The following ALOXE3 variants were observed in gnomAD, a reference collection of about 807,000 sequenced individuals.
The protein encoded by ALOXE3 is hydroperoxide isomerase ALOXE3.
ALOXE3 carries 78 observed loss-of-function variants against 87.5 expected under a neutral mutation model. The ratio of observed to expected loss-of-function variants is 0.89; its 90% CI spans 0.74 to 1.08. ALOXE3 has a LOEUF of 1.08. Ranked by LOEUF, ALOXE3 falls within the 50% of genes least tolerant of loss-of-function variation. ALOXE3 has a pLI of 0.00. For synonymous variants in ALOXE3, 363 were observed against 370.8 expected (o/e 0.98, Z 0.24); for missense variants, 946 against 912.4 (o/e 1.04, Z -0.47).
chr17:8,102,351 G>A (rs565955247), intron 15 of ALOXE3, among the ~76,000 whole-genome samples: 1 of 152,234 alleles, frequency 6.6e-6, no homozygotes, highest in East Asian at 1.9e-4. Context: ...AAATTAGCTG[G>A]GCACAGTGGT....
rs372707054 is a variant in ALOXE3 at position 8,117,853 on chromosome 17, G to A, written c.138C>T (p.Ala46=). 4 of 1,610,860 alleles carry A rather than the reference G, an allele frequency of 2.5e-6. No homozygotes were observed. The African/African-American group carries it at 4.0e-5, about 16-fold the overall frequency. The change falls in exon 2 of 16, where the codon GCC becomes GCT. Residue 46 remains alanine (A), a synonymous_variant. Transcript: ENST00000448843. ...QRLDRMGRDF[A]PGSVQKYKVR... ...TCTCCTTTGTACTCACCGATCCAGG[G>A]GCGAAGTCCCTGCCCATTCGATCTA... is the stretch of plus-strand genomic sequence containing the variant.
At chr17:8,110,662 T>C (rs555814074) in intron 8 of ALOXE3, 134 bp from the exon 9 acceptor site, 1 of 1,298,264 alleles carries the variant, frequency 7.7e-7, no homozygotes, top group East Asian at 2.4e-5. Flanking sequence ...GGTGCCTGAA[T>C]TAATGGCCAA....
At chr17:8,110,346 A>T in intron 9 of ALOXE3, 39 bp downstream of exon 9, 1 of 1,607,198 alleles carries the variant, frequency 6.2e-7, no homozygotes, top group Non-Finnish European at 8.5e-7. Flanking sequence ...GGCGGTTAGC[A>T]CCTGAGCCCC....
Position 8,115,661 on chromosome 17 carries a change from G to A in ALOXE3, c.380C>T (p.Pro127Leu). The change falls in exon 4 of 16, where the codon CCC (proline) becomes CTC (leucine). Residue 127 changes from proline to leucine, a missense_variant. Physicochemically the swap from Pro to Leu is moderately conservative, Grantham distance 98. Transcript: ENST00000448843. ...CCGTGTCCTGTGATCCAGGAGGAGG[G>A]GAAGAGAGTCCTGACAAATAGTTCT... is the stretch of plus-strand genomic sequence containing the variant. ...TARTICQDSL[P>L]LLLDHRTREL... 6.2e-7 allele frequency: 1 copy of A among 1,613,886 alleles called. No individual in the cohort carries two copies. The highest frequency in any genetic ancestry group is 8.5e-7 in the Non-Finnish European group (1 of 1,179,780).
intron 1 of ALOXE3, 68 bp downstream of exon 1, chr17:8,118,418 C>T: frequency 6.4e-7 from 1 of 1,550,956 alleles, no homozygotes. Flanking sequence ...AGTGCTTGTC[C>T]GCCCACTCCC....
In ALOXE3 at chr17:8,117,847, T is replaced by A; in HGVS notation, c.144A>T (p.Gly48=). 1 of 1,610,702 alleles carries A rather than the reference T, an allele frequency of 6.2e-7. No individual in the cohort carries two copies. Among genetic ancestry groups the A allele is most frequent in the African/African-American group, 1.3e-5 (1 of 74,942 alleles). The change falls in exon 2 of 16, where the codon GGA becomes GGT. Residue 48 remains glycine, a synonymous_variant. Transcript: ENST00000448843. ...LDRMGRDFAP[G]SVQKYKVRCT... ...TCCCTGTCTCCTTTGTACTCACCGA[T>A]CCAGGGGCGAAGTCCCTGCCCATTC...
intron 15 of ALOXE3, among the ~76,000 whole-genome samples, chr17:8,099,297 C>T (rs1598193740): frequency 4.6e-5 from 7 of 152,280 alleles, no homozygotes; most frequent in Middle Eastern, 6.8e-3. Flanking sequence ...GAGGCCATTA[C>T]ATAACTAAAG....
chr17:8,101,922 G>A (rs145651524), intron 15 of ALOXE3, among the ~76,000 whole-genome samples: 3 of 152,178 alleles, frequency 2.0e-5, no homozygotes, highest in Admixed American at 6.5e-5. Flanking sequence ...TTGCAGGCAC[G>A]AGCCACTGTG....
chr17:8,118,098 G>T lies in ALOXE3; in HGVS notation c.-108C>A. 1.3e-6 allele frequency: 2 copies of T among 1,554,680 alleles called. No homozygotes were observed. The highest frequency in any genetic ancestry group is 8.7e-7 in the Non-Finnish European group (1 of 1,149,636). On this transcript the variant is annotated 5_prime_UTR_variant, in exon 2 of 16. Transcript: ENST00000448843. ...GGCTGGGTTTCTGGGCGGAGGGCTAGGGGCTGCGGGGCTGGGTAGGGCTGA... is the reference window on the plus strand; with the variant it reads ...GGCTGGGTTTCTGGGCGGAGGGCTATGGGCTGCGGGGCTGGGTAGGGCTGA...
In ALOXE3 at chr17:8,104,365, C is replaced by T. The variant is rs2289588; in HGVS notation, c.1685-150G>A. On this transcript the variant is annotated intron_variant, in intron 13 of 15. Coordinates refer to ENST00000448843, the MANE Select transcript of ALOXE3 (RefSeq NM_021628.3). ...TTGTCGGGCTGGTTAGGGATGGCCACCACCAAGATTTGTGGTCTCTGAAGT... is the reference window on the plus strand; with the variant it reads ...TTGTCGGGCTGGTTAGGGATGGCCATCACCAAGATTTGTGGTCTCTGAAGT... The T allele has an allele frequency of 0.43, 281,268 of 648,646 alleles. 63,847 individuals are homozygous for T. Among genetic ancestry groups the T allele is most frequent in the East Asian group, 0.65 (21,810 of 33,804 alleles). The allele number at this position is 648,646 out of a possible 1,614,324, so 40.2% of individuals were successfully genotyped here.
intron 6 of ALOXE3, among the ~76,000 whole-genome samples, chr17:8,113,380 C>A (rs1322528347): frequency 6.6e-6 from 1 of 152,224 alleles, no homozygotes; most frequent in Non-Finnish European, 1.5e-5. Context: ...AGGCCAGATG[C>A]GGTGGCTCAC....
chr17:8,112,035 A>T, intron 7 of ALOXE3, 58 bp downstream of exon 7: 2 of 1,472,148 alleles, frequency 1.4e-6, no homozygotes, highest in South Asian at 1.1e-5. Flanking sequence ...AAGGAGAGGA[A>T]GGGGTCTGAG....
intron 15 of ALOXE3, among the ~76,000 whole-genome samples, chr17:8,098,866 G>C (rs1463550761): frequency 6.7e-6 from 1 of 150,276 alleles, no homozygotes; most frequent in African/African-American, 2.4e-5. Flanking sequence ...TTCTTTTTTT[G>C]TTTAAACAGG....
intron 11 of ALOXE3, among the ~76,000 whole-genome samples, chr17:8,109,652 C>T (rs946821377): frequency 2.0e-5 from 3 of 150,428 alleles, no homozygotes; most frequent in African/African-American, 7.4e-5. Flanking sequence ...TGCCTGTGGA[C>T]CCGTGGCCCG....
At chr17:8,116,263 G>A (rs998732006) in intron 3 of ALOXE3, among the ~76,000 whole-genome samples, 1 of 152,194 alleles carries the variant, frequency 6.6e-6, no homozygotes, top group Non-Finnish European at 1.5e-5. Flanking sequence ...AACTGAAGAT[G>A]CTCAAGCCCA....
chr17:8,118,279 A>T lies in ALOXE3; in HGVS notation c.-289T>A, dbSNP rs1376877755. ...CGGTCCCTCTGGCTGGCTCACCCAG[A>T]TGGATATCAGGAGCCTGGGTTCCAC... On this transcript the variant is annotated 5_prime_UTR_variant, in exon 2 of 16. Transcript: ENST00000448843. The T allele has an allele frequency of 5.2e-6, 8 of 1,551,688 alleles. No individual in the cohort carries two copies. In the South Asian group the frequency reaches 7.1e-5, roughly 14 times the overall value.
At chr17:8,117,140 C>T (rs367963631) in intron 2 of ALOXE3, among the ~76,000 whole-genome samples, 160 bp from the exon 3 acceptor site, 67 of 152,242 alleles carry the variant, frequency 4.4e-4, no homozygotes, top group African/African-American at 1.6e-3. Context: ...AAAGCTTCCC[C>T]GGGCCGGGAG....
chr17:8,104,405 G>C (rs1216138882), intron 13 of ALOXE3, among the ~76,000 whole-genome samples, 190 bp from the exon 14 acceptor site: 1 of 152,176 alleles, frequency 6.6e-6, no homozygotes, highest in Admixed American at 6.5e-5. Flanking sequence ...CAGGATAGGA[G>C]ATGGGGGCTG....
rs1024803032 is a variant in ALOXE3 at position 8,104,331 on chromosome 17, A to G, written c.1685-116T>C. ...GTGAGGAAGTAGGGAACACCGAGCC[A>G]TGACTGTCTTGTCGGGCTGGTTAGG... On this transcript the variant is annotated intron_variant, in intron 13 of 15. Transcript: ENST00000448843. The G allele has an allele frequency of 5.0e-6, 4 of 792,922 alleles. No individual in the cohort carries two copies. The African/African-American group carries it at 6.8e-5, about 13-fold the overall frequency. 49.1% of individuals were successfully genotyped at this position (792,922 alleles called of 1,614,324 possible). A position where few individuals can be genotyped will look rare whatever the true frequency, so the allele number is the denominator to read the frequency against.
Sources: allele counts gnomAD v4.1 joint callset (sites outside exome capture counted in the v4.1 genomes callset), GRCh38; gene constraint gnomAD v4.1.1; transcripts MANE v1.5; gene names NCBI Gene and HGNC (gene_info 2026-07-23, HGNC 2026-07-21).